The following ASZ1 variants were observed in gnomAD, a reference collection of about 807,000 sequenced individuals.
ASZ1 encodes the protein ankyrin repeat, SAM and basic leucine zipper domain containing 1.
ASZ1 carries 67 observed loss-of-function variants against 61.8 expected under a neutral mutation model. The observed-to-expected ratio is 1.08, with a 90% CI of 0.89 to 1.33. ASZ1 has a LOEUF of 1.33. ASZ1 is among the 40% of genes most tolerant of loss of function. The pLI is 0.00. For missense variants in ASZ1, 577 were observed against 554.5 expected, an observed-to-expected ratio of 1.04 and a Z score of -0.41; for synonymous variants, 193 against 192.7, an observed-to-expected ratio of 1.00 and a Z score of -0.01.
In ASZ1 at chr7:117,385,816, A is replaced by G. The variant is rs1796345057; in HGVS notation, c.441-7T>C. On this transcript the variant is annotated splice_polypyrimidine_tract_variant and splice_region_variant and intron_variant, in intron 4 of 12. Transcript: ENST00000284629. ...GATTGGGGTCATAAGTCTCCTAAGG[A>G]GGAGGAAGAAAGGAAACATTTGTGT... 1 of 1,595,336 alleles carries G rather than the reference A, an allele frequency of 6.3e-7. No homozygotes were observed. The highest frequency in any genetic ancestry group is 1.3e-5 in the African/African-American group (1 of 74,402).
At chr7:117,383,263 A>G (rs879411247) in intron 6 of ASZ1, among the ~76,000 whole-genome samples, 153 bp from the exon 7 acceptor site, 22 of 151,650 alleles carry the variant, frequency 1.5e-4, no homozygotes, top group Non-Finnish European at 2.9e-4. Flanking sequence ...CCTGATAACA[A>G]CTTTTAAAAA....
chr7:117,371,839 A>C (rs1430747016), intron 10 of ASZ1, among the ~76,000 whole-genome samples: 1 of 152,204 alleles, frequency 6.6e-6, no homozygotes, highest in Non-Finnish European at 1.5e-5. Flanking sequence ...GCAGGTATGT[A>C]ATTTTAGACA....
At chr7:117,424,889 A>G (rs983372674) in intron 2 of ASZ1, among the ~76,000 whole-genome samples, 1 of 152,264 alleles carries the variant, frequency 6.6e-6, no homozygotes, top group African/African-American at 2.4e-5. Context: ...TAATGTTTAC[A>G]TAATTCCTAT....
At chr7:117,368,166 A>G in intron 11 of ASZ1, 5 of 804,262 alleles carry the variant, frequency 6.2e-6, no homozygotes, top group Non-Finnish European at 7.5e-6. Flanking sequence ...GCCTCAAGCA[A>G]TTCTCCCACG....
chr7:117,385,983 G>C (rs78620173), intron 4 of ASZ1, among the ~76,000 whole-genome samples, 174 bp from the exon 5 acceptor site: 3,467 of 152,240 alleles, frequency 0.023, 128 homozygotes, highest in African/African-American at 0.079. Flanking sequence ...AAGTACAAGT[G>C]AAAGAGATGA....
At chr7:117,426,132 G>C (rs188972612) in intron 2 of ASZ1, among the ~76,000 whole-genome samples, 10 of 151,900 alleles carry the variant, frequency 6.6e-5, no homozygotes, top group African/African-American at 1.9e-4. Context: ...CATTCCACCA[G>C]TACAAAACAA....
chr7:117,400,976 T>C (rs919264714), intron 4 of ASZ1, among the ~76,000 whole-genome samples: 2 of 152,200 alleles, frequency 1.3e-5, no homozygotes, highest in Non-Finnish European at 2.9e-5. Context: ...AACAGACCTG[T>C]ACCAAAGTTT....
chr7:117,421,173 T>C (rs1024323268), intron 3 of ASZ1, among the ~76,000 whole-genome samples: 4 of 152,244 alleles, frequency 2.6e-5, no homozygotes, highest in Non-Finnish European at 5.9e-5. Context: ...GCAGAATATT[T>C]TATACACTTT....
At chr7:117,381,940 A>T in intron 8 of ASZ1, 129 bp downstream of exon 8, 1 of 630,304 alleles carries the variant, frequency 1.6e-6, no homozygotes, top group Non-Finnish European at 2.8e-6. Context: ...ATTGGGATGT[A>T]CTACAAATTA....
chr7:117,422,804 A>G (rs1243836384), intron 2 of ASZ1, among the ~76,000 whole-genome samples: 1 of 152,204 alleles, frequency 6.6e-6, no homozygotes, highest in Non-Finnish European at 1.5e-5. Context: ...AAACTTACCC[A>G]TGGGTGACTG....
At chr7:117,367,569 T>C (rs918227028) in intron 11 of ASZ1, 104 bp from the exon 12 acceptor site, 37 of 1,197,696 alleles carry the variant, frequency 3.1e-5, no homozygotes, top group Middle Eastern at 3.1e-4. Context: ...GATTACATAA[T>C]TGAAAGGCAT....
chr7:117,368,578 T>C, intron 11 of ASZ1, 34 bp downstream of exon 11: 1 of 1,602,234 alleles, frequency 6.2e-7, no homozygotes, highest in Non-Finnish European at 8.5e-7. Flanking sequence ...TCAGTGTTCA[T>C]ACTTTTCTTC....
At chr7:117,413,843 A>AT (rs1180972992) in intron 4 of ASZ1, among the ~76,000 whole-genome samples, 5 of 152,110 alleles carry the variant, frequency 3.3e-5, no homozygotes, top group Admixed American at 6.5e-5. Flanking sequence ...ATAAACTTTA[A>AT]AAATCTAGAA....
intron 10 of ASZ1, among the ~76,000 whole-genome samples, chr7:117,373,443 G>A (rs1796083916): frequency 1.3e-5 from 2 of 152,122 alleles, no homozygotes; most frequent in Admixed American, 1.3e-4. Flanking sequence ...TGTATGCATT[G>A]TTGTAACAGA....
At chr7:117,382,243 T>C (rs1003968845) in intron 7 of ASZ1, 99 bp from the exon 8 acceptor site, 1 of 773,130 alleles carries the variant, frequency 1.3e-6, no homozygotes. Flanking sequence ...TAATAATGAA[T>C]TCATGTAGAA....
At chr7:117,394,276 T>G (rs1459136584) in intron 4 of ASZ1, among the ~76,000 whole-genome samples, 1 of 152,126 alleles carries the variant, frequency 6.6e-6, no homozygotes, top group African/African-American at 2.4e-5. Flanking sequence ...GGCTAATTTT[T>G]AAAATTTCTG....
intron 10 of ASZ1, among the ~76,000 whole-genome samples, 187 bp from the exon 11 acceptor site, chr7:117,368,904 C>T (rs577799666): frequency 2.6e-5 from 4 of 152,146 alleles, no homozygotes; most frequent in African/African-American, 7.2e-5. Context: ...CCTCCAATCC[C>T]GAGGATCTTA....
intron 5 of ASZ1, 119 bp from the exon 6 acceptor site, chr7:117,384,979 A>G (rs1796324507): frequency 1.1e-6 from 1 of 900,296 alleles, no homozygotes; most frequent in African/African-American, 1.8e-5. Flanking sequence ...AATTAATGGA[A>G]TGATGCAATC....
intron 4 of ASZ1, among the ~76,000 whole-genome samples, chr7:117,401,466 A>G (rs746641315): frequency 3.4e-4 from 52 of 152,010 alleles, no homozygotes; most frequent in Non-Finnish European, 6.3e-4. Flanking sequence ...AGAATCAACA[A>G]TAAGAGTAAC....
Sources: allele counts gnomAD v4.1 joint callset (sites outside exome capture counted in the v4.1 genomes callset), GRCh38; gene constraint gnomAD v4.1.1; transcripts MANE v1.5; gene names NCBI Gene and HGNC (gene_info 2026-07-23, HGNC 2026-07-21).